USP32: variants seen among roughly 807,000 people sequenced by gnomAD.
USP32 encodes the protein ubiquitin specific peptidase 32.
In USP32, 59 loss-of-function variants were observed where a neutral mutation model predicts 204.8. The observed-to-expected ratio is 0.29, with a 90% CI of 0.23 to 0.36. USP32 has a LOEUF of 0.36. USP32 is among the 10% of genes least tolerant of loss of function. USP32 has a pLI of 1.00. For missense variants in USP32, 1,160 were observed against 1,946.4 expected (o/e 0.60, Z 7.60); for synonymous variants, 517 against 678.4 (o/e 0.76, Z 3.70).
chr17:60,184,440 C>G (rs2084195867), intron 30 of USP32, among the ~76,000 whole-genome samples: 1 of 152,058 alleles, frequency 6.6e-6, no homozygotes, highest in African/African-American at 2.4e-5. Flanking sequence ...GTGCATCATT[C>G]CCTGGGAAGC....
In USP32 at chr17:60,398,325, AG is replaced by A. The variant is rs1393751605; in HGVS notation, c.106+23920del. 2.6e-5 allele frequency among the ~76,000 whole-genome samples: 4 copies of A among 152,168 alleles called. No homozygotes were observed. The East Asian group carries it at 7.7e-4, about 29-fold the overall frequency. On this transcript the variant is annotated intron_variant, in intron 1 of 3. Coordinates refer to the USP32 transcript ENST00000588898. ...GTGGGAGGATCACTTGGGCCTGAAA[AG>A]TAGAGCTACAGTTACCCATGACTGC... is the stretch of plus-strand genomic sequence containing the variant.
At chr17:60,404,013 C>A (rs1469904789) in intron 1 of USP32, among the ~76,000 whole-genome samples, 6 of 150,036 alleles carry the variant, frequency 4.0e-5, no homozygotes, top group Non-Finnish European at 8.9e-5. Flanking sequence ...GCACTCCAGC[C>A]TGGGTGACAG....
At chr17:60,371,993 T>C (rs2089451026) in intron 1 of USP32, among the ~76,000 whole-genome samples, 1 of 152,152 alleles carries the variant, frequency 6.6e-6, no homozygotes, top group Non-Finnish European at 1.5e-5. Context: ...GCTCATAAGG[T>C]AAACATTTAA....
At chr17:60,260,814 C>T (rs1405015861) in intron 9 of USP32, among the ~76,000 whole-genome samples, 1 of 151,998 alleles carries the variant, frequency 6.6e-6, no homozygotes, top group Admixed American at 6.6e-5. Flanking sequence ...ATATAAATTT[C>T]TCCTACACTT....
chr17:60,334,731 C>T (rs1264162412), intron 2 of USP32, among the ~76,000 whole-genome samples: 1 of 143,192 alleles, frequency 7.0e-6, no homozygotes, highest in Non-Finnish European at 1.5e-5. Context: ...CAGTTGATAA[C>T]ACATATTATA....
At chr17:60,231,356 G>C (rs1452526975) in intron 12 of USP32, among the ~76,000 whole-genome samples, 1 of 152,180 alleles carries the variant, frequency 6.6e-6, no homozygotes, top group Non-Finnish European at 1.5e-5. Flanking sequence ...TAGGTACTAA[G>C]GCAGGACTCA....
chr17:60,178,701 G>T lies in USP32; in HGVS notation c.*554C>A, dbSNP rs1445776837. 6.6e-6 allele frequency among the ~76,000 whole-genome samples: 1 copy of T among 152,212 alleles called. No individual in the cohort carries two copies. The highest frequency in any genetic ancestry group is 1.5e-5 in the Non-Finnish European group (1 of 68,046). On this transcript the variant is annotated 3_prime_UTR_variant, in exon 34 of 34. Coordinates refer to ENST00000300896, the MANE Select transcript of USP32 (RefSeq NM_032582.4). ...AAAAAGCAAGAAAGACAAAGAAAGG[G>T]TATGGAAACAGTTTAAAAAATAAAT...
At chr17:60,294,599 T>G (rs2087378344) in intron 4 of USP32, 84 bp downstream of exon 4, 1 of 799,192 alleles carries the variant, frequency 1.3e-6, no homozygotes, top group South Asian at 2.4e-5. Flanking sequence ...TAAACATCTG[T>G]TTGTCATACT....
chr17:60,179,724 G>A (rs1455145415), intron 33 of USP32, among the ~76,000 whole-genome samples: 1 of 152,192 alleles, frequency 6.6e-6, no homozygotes, highest in Non-Finnish European at 1.5e-5. Context: ...AGGCTGGTGT[G>A]CACTGGTGCG....
intron 1 of USP32, among the ~76,000 whole-genome samples, chr17:60,354,812 G>A (rs1037035178): frequency 2.0e-5 from 3 of 152,196 alleles, no homozygotes; most frequent in African/African-American, 7.2e-5. Context: ...TTGGGAGGCT[G>A]AGGCAGGCAG....
chr17:60,178,448 G>A lies in USP32; in HGVS notation c.*807C>T, dbSNP rs2084020959. Reference sequence around the variant, plus strand: ...CAGCATGGGTGGGGCCGGGGGTGCAGAATACATTTCTGAGGATACTTGAAG... The same window carrying A: ...CAGCATGGGTGGGGCCGGGGGTGCAAAATACATTTCTGAGGATACTTGAAG... On this transcript the variant is annotated 3_prime_UTR_variant, in exon 34 of 34. Coordinates refer to ENST00000300896, the MANE Select transcript of USP32 (RefSeq NM_032582.4). Among the ~76,000 whole-genome samples the A allele has an allele frequency of 6.6e-6, 1 of 152,190 alleles. No homozygotes were observed. The highest frequency in any genetic ancestry group is 1.9e-4 in the East Asian group (1 of 5,202).
chr17:60,393,832 G>A (rs2146151308), upstream of USP32, among the ~76,000 whole-genome samples: 1 of 152,204 alleles, frequency 6.6e-6, no homozygotes, highest in East Asian at 1.9e-4. Flanking sequence ...TTACAGGCAT[G>A]CGCCACCATG....
intron 12 of USP32, 96 bp from the exon 13 acceptor site, chr17:60,226,327 G>A: frequency 8.6e-7 from 1 of 1,157,316 alleles, no homozygotes; most frequent in East Asian, 2.9e-5. Context: ...ATTTTTTTAA[G>A]TCTCCTGTGG....
chr17:60,294,229 A>G (rs2087365543), intron 4 of USP32, among the ~76,000 whole-genome samples: 1 of 152,172 alleles, frequency 6.6e-6, no homozygotes, highest in African/African-American at 2.4e-5. Context: ...TTTTTAACAC[A>G]AATATTTCAC....
At chr17:60,350,357 T>C (rs758953059) in intron 1 of USP32, among the ~76,000 whole-genome samples, 8 of 152,124 alleles carry the variant, frequency 5.3e-5, no homozygotes, top group Non-Finnish European at 1.0e-4. Flanking sequence ...GGCATGATCT[T>C]GGCTCACTGC....
At chr17:60,313,917 G>T (rs764284173) in intron 2 of USP32, among the ~76,000 whole-genome samples, 2 of 151,386 alleles carry the variant, frequency 1.3e-5, no homozygotes, top group Non-Finnish European at 2.9e-5. Context: ...ACAAGAAACA[G>T]AAAATTGTAA....
chr17:60,252,706 AG>A (rs2145712377), intron 10 of USP32, among the ~76,000 whole-genome samples: 1 of 152,320 alleles, frequency 6.6e-6, no homozygotes, highest in Admixed American at 6.5e-5. Context: ...AAAAAGCGAA[AG>A]GGGAAGACAT....
rs183043282 is a variant in USP32, at chr17:60,329,583, C to A, written c.186+15898G>T. On this transcript the variant is annotated intron_variant, in intron 2 of 33. Coordinates refer to ENST00000300896, the MANE Select transcript of USP32 (RefSeq NM_032582.4). ...TTCAGCCTCCCAAAGTGCTAGGATA[C>A]AGGCATAAGCCACCATGCCCAGCCT... Among the ~76,000 whole-genome samples the A allele has an allele frequency of 1.3e-3, 200 of 152,032 alleles. 1 individual carries two copies. The highest frequency in any genetic ancestry group is 4.5e-3 in the African/African-American group (187 of 41,478).
intron 14 of USP32, 87 bp from the exon 15 acceptor site, chr17:60,222,636 T>A: frequency 8.1e-7 from 1 of 1,237,598 alleles, no homozygotes; most frequent in Non-Finnish European, 1.1e-6. Flanking sequence ...GAAAACAAAC[T>A]CATATATCAC....
Sources: gnomAD v4.1 joint callset for allele counts (sites outside exome capture counted in the v4.1 genomes callset) on GRCh38, gnomAD v4.1.1 for gene constraint, MANE v1.5 for transcripts, NCBI Gene and HGNC (gene_info 2026-07-23, HGNC 2026-07-21) for gene names.